Variants in PRAME observed in about 807,000 individuals in gnomAD.
PRAME encodes PRAME nuclear receptor transcriptional regulator.
In PRAME, 21 loss-of-function variants were observed where a neutral mutation model predicts 32.1. That is an observed-to-expected ratio of 0.65 (90% confidence interval 0.46 to 0.94). PRAME has a LOEUF of 0.94. PRAME is among the 40% of genes least tolerant of loss of function. PRAME has a pLI of 0.00. For synonymous variants in PRAME, 274 were observed against 251.5 expected (o/e 1.09, Z -0.85); for missense variants, 651 against 622.3 (o/e 1.05, Z -0.49).
In PRAME at chr22:22,549,607, G is replaced by A. The variant is rs994907489; in HGVS notation, c.953+119C>T. On this transcript the variant is annotated intron_variant, in intron 5 of 5. Coordinates refer to ENST00000405655, the MANE Select transcript of PRAME (RefSeq NM_206956.3). ...CAGTGGTGAACAAGACGTGTTAACTGGTAGTGACTTGCTCACTCTTGCATT... is the reference window on the plus strand; with the variant it reads ...CAGTGGTGAACAAGACGTGTTAACTAGTAGTGACTTGCTCACTCTTGCATT... 8.4e-6 allele frequency: 11 copies of A among 1,302,326 alleles called. No individual in the cohort carries two copies. The African/African-American group carries it at 1.6e-4, about 19-fold the overall frequency. The allele number at this position is 1,302,326 out of a possible 1,614,324, so 80.7% of individuals were successfully genotyped here.
rs752793340 is a variant in PRAME at position 22,556,840 on chromosome 22, C to A, written c.-8G>T. ...CAAACGCCTTCGTTCCATTTTGAAG[C>A]GACTTAGGCTGGCCTCAGGACCTCC... is the stretch of plus-strand genomic sequence containing the variant. On this transcript the variant is annotated 5_prime_UTR_variant, in exon 3 of 6. Coordinates refer to ENST00000405655, the MANE Select transcript of PRAME (RefSeq NM_206956.3). The A allele has an allele frequency of 3.1e-6, 5 of 1,612,766 alleles. No homozygotes were observed. In the East Asian group the frequency reaches 1.1e-4, roughly 36 times the overall value.
chr22:22,548,454 C>T lies in PRAME; in HGVS notation c.1143G>A (p.Gln381=), dbSNP rs772304313. The part of the protein sequence containing the change: ...ALLERASATL[Q]DLVFDECGIT... ...TCCCACACTCATCAAAGACCAGGTCCTGGAGGGTGGCAGAGGCTCTCTCCA... is the reference window on the plus strand; with the variant it reads ...TCCCACACTCATCAAAGACCAGGTCTTGGAGGGTGGCAGAGGCTCTCTCCA... The change falls in exon 6 of 6, where the codon CAG becomes CAA. Residue 381 remains glutamine, a synonymous_variant. Coordinates refer to ENST00000405655, the MANE Select transcript of PRAME (RefSeq NM_206956.3). The T allele has an allele frequency of 5.6e-6, 9 of 1,613,592 alleles. No individual in the cohort carries two copies. The highest frequency in any genetic ancestry group is 4.0e-5 in the African/African-American group (3 of 74,838).
chr22:22,551,051 C>G lies in PRAME; in HGVS notation c.60G>C (p.Trp20Cys), dbSNP rs1442065476. The G allele has an allele frequency of 1.9e-6, 3 of 1,603,588 alleles. No individual in the cohort carries two copies. Among genetic ancestry groups the G allele is most frequent in the South Asian group, 1.1e-5 (1 of 90,090 alleles). ...IQSRYISMSV[W>C]TSPRRLVELA... The stretch of plus-strand genomic sequence containing the variant: ...GCTCCACAAGTCTCCGTGGGCTTGT[C>G]CACACACTCATGCTGATGTATCGGC... The change falls in exon 4 of 6, where the codon TGG becomes TGC. Residue 20 changes from tryptophan to cysteine, a missense_variant. By Grantham distance (215) the Trp-to-Cys change is radical (BLOSUM62 -2). Transcript: ENST00000405655.
intron 5 of PRAME, among the ~76,000 whole-genome samples, chr22:22,549,326 T>C (rs1468083078): frequency 6.6e-6 from 1 of 151,924 alleles, no homozygotes; most frequent in Non-Finnish European, 1.5e-5. Flanking sequence ...GCAGCTCATG[T>C]TGAGAAGCTG....
At position 22,549,866 on chromosome 22, in the gene PRAME, A is replaced by C. The variant is rs759592631; in HGVS notation, c.813T>G (p.His271Gln). 6.2e-7 allele frequency: 1 copy of C among 1,613,886 alleles called. No homozygotes were observed. Among genetic ancestry groups the C allele is most frequent in the South Asian group, 1.1e-5 (1 of 91,068 alleles). ...TCTCCGGGGAAATGTAGGAAGATGC[A>C]TGGATGTGGGAGAGGAGGAGTCTAC... is the stretch of plus-strand genomic sequence containing the variant. ...NLRRLLLSHI[H>Q]ASSYISPEKE... Residue 271 changes from histidine to glutamine, a missense_variant, in exon 5 of 6, where the codon CAT becomes CAG. Transcript: ENST00000405655.
chr22:22,552,771 A>G (rs114312378), intron 3 of PRAME: 6,956 of 466,930 alleles, frequency 0.015, 187 homozygotes, highest in African/African-American at 0.055. Context: ...GTGACAGTAG[A>G]AGGAGGCAGT....
chr22:22,549,111 A>G (rs368210204), intron 5 of PRAME, among the ~76,000 whole-genome samples: 30 of 152,008 alleles, frequency 2.0e-4, no homozygotes, highest in African/African-American at 6.7e-4. Context: ...AAACTGGGGC[A>G]AGGTCAGCAA....
chr22:22,557,258 G>A (rs1272394006), intron 2 of PRAME: 5 of 245,596 alleles, frequency 2.0e-5, no homozygotes, highest in Admixed American at 1.8e-4. Flanking sequence ...CTTCAGAGGG[G>A]CCGAGTCCCA....
In PRAME at chr22:22,549,950, G is replaced by A. The variant is rs780668610; in HGVS notation, c.729C>T (p.Thr243=). 2 of 1,613,826 alleles carry A rather than the reference G, an allele frequency of 1.2e-6. No homozygotes were observed. Among genetic ancestry groups the A allele is most frequent in the South Asian group, 2.2e-5 (2 of 91,064 alleles). The change falls in exon 5 of 6, where the codon ACC becomes ACT. Residue 243 remains threonine (T), a synonymous_variant. Transcript: ENST00000405655. ...ATTTCGCCAAGGTGGGTAGCTTCCA[G>A]GTACAAGTCACTTCCAAATCTTCAA... ...DSIEDLEVTC[T]WKLPTLAKFS...
In PRAME at chr22:22,559,258, G is replaced by T; in HGVS notation, c.-401C>A. ...TGCAGGCCCGGCTTCTGGCTGCGGG[G>T]GAGCTGTACCCTGAAGCCTCGCCGG... On this transcript the variant is annotated 5_prime_UTR_variant, in exon 1 of 6. Transcript: ENST00000405655. 3.1e-6 allele frequency: 1 copy of T among 317,566 alleles called. No homozygotes were observed. 19.7% of individuals were successfully genotyped at this position (317,566 alleles called of 1,614,324 possible). A position where few individuals can be genotyped will look rare whatever the true frequency, so the allele number is the denominator to read the frequency against.
chr22:22,557,077 G>A (rs2062973143), intron 2 of PRAME, 168 bp from the exon 3 acceptor site: 2 of 584,594 alleles, frequency 3.4e-6, no homozygotes, highest in African/African-American at 1.9e-5. Flanking sequence ...GAGCACCAGT[G>A]TTTCCTGGGC....
At position 22,559,209 on chromosome 22, in the gene PRAME, T is replaced by C. The variant is rs1420372469; in HGVS notation, c.-352A>G. ...GGTCACGCCTGGGAAGCGGGTGGGG[T>C]GTCCCGGAGCGGTGCTGAGGCGCTG... On this transcript the variant is annotated 5_prime_UTR_variant, in exon 1 of 6. Coordinates refer to ENST00000405655, the MANE Select transcript of PRAME (RefSeq NM_206956.3). 2 of 290,764 alleles carry C rather than the reference T, an allele frequency of 6.9e-6. No homozygotes were observed. The highest frequency in any genetic ancestry group is 1.3e-5 in the Non-Finnish European group (2 of 148,710). 18.0% of individuals were successfully genotyped at this position (290,764 alleles called of 1,614,324 possible). A position where few individuals can be genotyped will look rare whatever the true frequency, so the allele number is the denominator to read the frequency against.
chr22:22,549,079 C>T (rs1331886262), intron 5 of PRAME, among the ~76,000 whole-genome samples: 1 of 151,962 alleles, frequency 6.6e-6, no homozygotes, highest in East Asian at 2.0e-4. Flanking sequence ...GATGAAGCTA[C>T]TAGGGAGTAT....
At chr22:22,556,713 A>C in intron 3 of PRAME, 99 bp downstream of exon 3, 1 of 1,414,650 alleles carries the variant, frequency 7.1e-7, no homozygotes, top group Non-Finnish European at 9.9e-7. Flanking sequence ...GTCTACTGTG[A>C]GGGACCTCAG....
rs537152584 is a variant in PRAME, at chr22:22,553,741, T to C, written c.22-2652A>G. 411 of 962,432 alleles carry C rather than the reference T, an allele frequency of 4.3e-4. 2 individuals are homozygous for C. The African/African-American group carries it at 6.5e-3, about 15-fold the overall frequency. The allele number at this position is 962,432 out of a possible 1,614,324, so 59.6% of individuals were successfully genotyped here. On this transcript the variant is annotated intron_variant, in intron 3 of 5. Transcript: ENST00000405655. The stretch of plus-strand genomic sequence containing the variant: ...CAACATTTTCAAGTCTGAAAGACCT[T>C]GTGGTTTCTTAGGAATCTTGGAGCC...
Position 22,551,169 on chromosome 22 carries a change from G to C in PRAME, c.22-80C>G. The C allele has an allele frequency of 3.0e-6, 4 of 1,336,586 alleles. No individual in the cohort carries two copies. In the East Asian group the frequency reaches 9.5e-5, roughly 32 times the overall value. The allele number at this position is 1,336,586 out of a possible 1,614,324, so 82.8% of individuals were successfully genotyped here. A position where few individuals can be genotyped will look rare whatever the true frequency, so the allele number is the denominator to read the frequency against. ...CTATCTTTTCCTCACCCTTCTGAGG[G>C]ACCAACTTAGGGCCAAAGTCACTGT... On this transcript the variant is annotated intron_variant, in intron 3 of 5. Transcript: ENST00000405655.
intron 4 of PRAME, 118 bp from the exon 5 acceptor site, chr22:22,550,452 T>C (rs2062500966): frequency 7.4e-7 from 1 of 1,352,486 alleles, no homozygotes; most frequent in African/African-American, 1.5e-5. Flanking sequence ...ATCTGCACTT[T>C]TACTTCGTAC....
chr22:22,550,096 G>A lies in PRAME; in HGVS notation c.583C>T (p.Leu195Phe). Residue 195 changes from leucine (L) to phenylalanine (F), a missense_variant, in exon 5 of 6, where the codon CTC becomes TTC. Transcript: ENST00000405655. ...TTCTTTCGCTTCACTTTCTCAATGA[G>A]GTAGGAGAACAATTCATCACAGGCA... is the stretch of plus-strand genomic sequence containing the variant. Reference protein sequence around the residue: ...EGACDELFSYLIEKVKRKKNV... With the variant: ...EGACDELFSYFIEKVKRKKNV... The A allele has an allele frequency of 6.2e-7, 1 of 1,613,904 alleles. No homozygotes were observed. Among genetic ancestry groups the A allele is most frequent in the South Asian group, 1.1e-5 (1 of 91,074 alleles).
At chr22:22,549,612 T>C in intron 5 of PRAME, 114 bp downstream of exon 5, 1 of 1,350,882 alleles carries the variant, frequency 7.4e-7, no homozygotes, top group Non-Finnish European at 9.9e-7. Flanking sequence ...TAACTGGTAG[T>C]GACTTGCTCA....
Sources: gnomAD v4.1 joint callset for allele counts (sites outside exome capture counted in the v4.1 genomes callset) on GRCh38, gnomAD v4.1.1 for gene constraint, MANE v1.5 for transcripts, NCBI Gene and HGNC (gene_info 2026-07-23, HGNC 2026-07-21) for gene names.